The following NRXN3 variants were observed in gnomAD, a reference collection of about 807,000 sequenced individuals.
NRXN3 encodes neurexin 3, also known as neurexin III.
A neutral mutation model predicts 137.6 loss-of-function variants in NRXN3; 32 were observed. The ratio of observed to expected loss-of-function variants is 0.23; its 90% CI spans 0.18 to 0.31. The LOEUF (loss-of-function observed/expected upper bound fraction) is 0.31, where lower values mean the gene tolerates loss of function less well. NRXN3 is among the 10% of genes least tolerant of loss of function. The pLI, the probability that NRXN3 is intolerant of heterozygous loss-of-function variation, is 1.00. For missense variants in NRXN3, 1,574 were observed against 2,062.5 expected (o/e 0.76, Z 4.59); for synonymous variants, 798 against 784.5 (o/e 1.02, Z -0.29).
intron 4 of NRXN3, among the ~76,000 whole-genome samples, chr14:78,587,037 G>T (rs2097071032): frequency 6.6e-6 from 1 of 152,142 alleles, no homozygotes; most frequent in African/African-American, 2.4e-5. Flanking sequence ...GAAGAGGGGA[G>T]TTAGATTTAC....
At chr14:78,257,645 G>A (rs2069885393) in intron 2 of NRXN3, among the ~76,000 whole-genome samples, 1 of 152,228 alleles carries the variant, frequency 6.6e-6, no homozygotes, top group African/African-American at 2.4e-5. Flanking sequence ...GCTGTTTGCG[G>A]TAGTCAATGT....
chr14:78,521,273 G>C (rs759946795), intron 4 of NRXN3, among the ~76,000 whole-genome samples: 2 of 152,020 alleles, frequency 1.3e-5, no homozygotes, highest in Non-Finnish European at 2.9e-5. Flanking sequence ...GAAAATAATT[G>C]CTGTTACTCT....
At position 79,865,108 on chromosome 14, in the gene NRXN3, C is replaced by G. The variant is rs2099417579; in HGVS notation, c.*3144C>G. 6.6e-6 allele frequency: 1 copy of G among 152,184 alleles called. No homozygotes were observed. 9.4% of individuals were successfully genotyped at this position (152,184 alleles called of 1,614,324 possible). Reference sequence around the variant, plus strand: ...CTTTTACGTATTTTCTATAAGTCAACAAGCTTTAAACAGTATTTAAAACTA... The same window carrying G: ...CTTTTACGTATTTTCTATAAGTCAAGAAGCTTTAAACAGTATTTAAAACTA... On this transcript the variant is annotated 3_prime_UTR_variant, in exon 21 of 21. Transcript: ENST00000335750.
chr14:78,639,177 T>A lies in NRXN3; in HGVS notation c.758-5943T>A, dbSNP rs182634701. On this transcript the variant is annotated intron_variant, in intron 4 of 20. Coordinates refer to ENST00000335750, the MANE Select transcript of NRXN3 (RefSeq NM_001330195.2). ...GCAGGCAAGGCAATAGTAGCCCACG[T>A]GTTTTTGTGCCTCATTAGTTTCCAG... Among the ~76,000 whole-genome samples, 33 of 152,318 alleles carry A rather than the reference T, an allele frequency of 2.2e-4. No individual in the cohort carries two copies. The East Asian group carries it at 6.0e-3, about 28-fold the overall frequency.
chr14:78,275,967 G>A (rs2073529148), intron 2 of NRXN3, among the ~76,000 whole-genome samples: 1 of 152,154 alleles, frequency 6.6e-6, no homozygotes, highest in South Asian at 2.1e-4. Flanking sequence ...TCAGAATTGA[G>A]TCCAGAGATT....
rs550667032 is a variant in NRXN3 at position 79,432,616 on chromosome 14, T to A, written c.3263-34605T>A. On this transcript the variant is annotated intron_variant, in intron 15 of 20. Transcript: ENST00000335750. ...TCAATCACACATATTATTGAATAAT[T>A]TTGGTTAACATCCTTAATATTCTAA... Among the ~76,000 whole-genome samples the A allele has an allele frequency of 3.9e-5, 6 of 152,340 alleles. No individual in the cohort carries two copies. The South Asian group carries it at 1.2e-3, about 32-fold the overall frequency.
rs1159360573 is a variant in NRXN3, at chr14:78,900,204, TA to T, written c.2276-57037del. Among the ~76,000 whole-genome samples, 7 of 151,226 alleles carry T rather than the reference TA, an allele frequency of 4.6e-5. No homozygotes were observed. In the East Asian group the frequency reaches 1.4e-3, roughly 29 times the overall value. On this transcript the variant is annotated intron_variant, in intron 10 of 20. Transcript: ENST00000335750. ...TCACAACACCCCAAACAGTGGGTTC[TA>T]TTTTTTTTTCTATTGTTATAGATGA... is the stretch of plus-strand genomic sequence containing the variant.
At chr14:79,222,073 G>A (rs137934048) in intron 15 of NRXN3, among the ~76,000 whole-genome samples, 4,172 of 152,184 alleles carry the variant, frequency 0.027, 136 homozygotes, top group South Asian at 0.086. Context: ...TAGATGTGTA[G>A]TGTTATTTCT....
At position 79,427,975 on chromosome 14, in the gene NRXN3, C is replaced by T. The variant is rs754229267; in HGVS notation, c.3263-39246C>T. 5.3e-5 allele frequency among the ~76,000 whole-genome samples: 8 copies of T among 152,160 alleles called. 1 individual carries two copies. In the East Asian group the frequency reaches 5.8e-4, roughly 11 times the overall value. ...AATAAGATCGAGGATCCCATTCCCACGTTCTGCACGTGTGTGTGTGCGTGT... is the reference window on the plus strand; with the variant it reads ...AATAAGATCGAGGATCCCATTCCCATGTTCTGCACGTGTGTGTGTGCGTGT... On this transcript the variant is annotated intron_variant, in intron 15 of 20. Coordinates refer to ENST00000335750, the MANE Select transcript of NRXN3 (RefSeq NM_001330195.2).
At chr14:78,952,392 C>A (rs1441036507) in intron 10 of NRXN3, among the ~76,000 whole-genome samples, 1 of 152,184 alleles carries the variant, frequency 6.6e-6, no homozygotes, top group African/African-American at 2.4e-5. Flanking sequence ...CTTTTTCCTA[C>A]TTCTCTGTCC....
intron 16 of NRXN3, among the ~76,000 whole-genome samples, chr14:79,555,097 T>A (rs1001562237): frequency 6.6e-6 from 1 of 152,114 alleles, no homozygotes; most frequent in African/African-American, 2.4e-5. Flanking sequence ...GTGAAGTAAA[T>A]CTTCAGTAAG....
At chr14:79,048,273 G>A (rs1568108525) in intron 15 of NRXN3, among the ~76,000 whole-genome samples, 1 of 152,126 alleles carries the variant, frequency 6.6e-6, no homozygotes, top group Non-Finnish European at 1.5e-5. Context: ...TGGCAGGAAG[G>A]GGCATGAGAG....
intron 15 of NRXN3, among the ~76,000 whole-genome samples, chr14:79,282,742 G>C (rs185470228): frequency 4.6e-5 from 7 of 152,278 alleles, no homozygotes; most frequent in African/African-American, 1.4e-4. Context: ...GTAGAGTACA[G>C]TGAACTCCAT....
intron 2 of NRXN3, among the ~76,000 whole-genome samples, chr14:78,269,155 T>C (rs186097148): frequency 6.6e-6 from 1 of 152,328 alleles, no homozygotes; most frequent in Admixed American, 6.5e-5. Context: ...GAGGCTCAGT[T>C]GGCAAAAGTC....
At chr14:78,624,117 G>T (rs1374996526) in intron 4 of NRXN3, among the ~76,000 whole-genome samples, 1 of 152,184 alleles carries the variant, frequency 6.6e-6, no homozygotes, top group Non-Finnish European at 1.5e-5. Flanking sequence ...CTACAGATTT[G>T]TTTGCTTTAC....
intron 19 of NRXN3, among the ~76,000 whole-genome samples, chr14:79,730,052 G>T (rs1297048440): frequency 6.6e-6 from 1 of 152,168 alleles, no homozygotes; most frequent in Non-Finnish European, 1.5e-5. Context: ...TGCTATCTGG[G>T]TGGAAAGCTT....
At chr14:79,763,381 T>C (rs1415819619) in intron 19 of NRXN3, among the ~76,000 whole-genome samples, 1 of 68,816 alleles carries the variant, frequency 1.5e-5, no homozygotes, top group African/African-American at 4.4e-5. Context: ...CGTGTGCATG[T>C]GTCTTTATAG....
intron 10 of NRXN3, among the ~76,000 whole-genome samples, chr14:78,847,512 A>G (rs576498611): frequency 2.6e-5 from 4 of 152,148 alleles, no homozygotes; most frequent in South Asian, 4.2e-4. Flanking sequence ...CAGCATCTCC[A>G]GGAGAAGGAG....
intron 6 of NRXN3, among the ~76,000 whole-genome samples, chr14:78,681,526 C>A (rs899724907): frequency 1.3e-5 from 2 of 152,076 alleles, no homozygotes; most frequent in African/African-American, 4.8e-5. Flanking sequence ...TCTGTGGAGA[C>A]CTCAGATTCT....
Sources: allele counts gnomAD v4.1 joint callset (sites outside exome capture counted in the v4.1 genomes callset), GRCh38; gene constraint gnomAD v4.1.1; transcripts MANE v1.5; gene names NCBI Gene and HGNC (gene_info 2026-07-23, HGNC 2026-07-21).